Variants in SEMA4G observed in about 807,000 individuals in gnomAD.
The protein encoded by SEMA4G is semaphorin-4G.
In SEMA4G, 59 loss-of-function variants were observed where a neutral mutation model predicts 81.2. That is an observed-to-expected ratio of 0.73 (90% confidence interval 0.59 to 0.90). The LOEUF is 0.90. Ranked by LOEUF, SEMA4G falls within the 40% of genes least tolerant of loss-of-function variation. The pLI is 0.00. For missense variants in SEMA4G, 952 were observed against 1,102.3 expected, an observed-to-expected ratio of 0.86 and a Z score of 1.93; for synonymous variants, 404 against 433.9, an observed-to-expected ratio of 0.93 and a Z score of 0.86.
In SEMA4G at chr10:100,980,114, C is replaced by T; in HGVS notation, c.1129-8C>T. On this transcript the variant is annotated splice_region_variant and splice_polypyrimidine_tract_variant and intron_variant, in intron 9 of 13. Coordinates refer to ENST00000370250, the Ensembl canonical transcript of SEMA4G. ...CCCGAGGTTCACCACCTTCGTCCCC[C>T]ACGCCAGTGTATCACAGATTCATTG... 1 of 1,614,098 alleles carries T rather than the reference C, an allele frequency of 6.2e-7. No homozygotes were observed. The highest frequency in any genetic ancestry group is 2.2e-5 in the East Asian group (1 of 44,882).
At chr10:100,984,231 C>G in exon 14 of SEMA4G, 1 of 1,468,984 alleles carries the variant, frequency 6.8e-7, no homozygotes, top group Non-Finnish European at 8.9e-7. Context: ...ATTACCCCCA[C>G]TCCATACCCT....
At chr10:100,975,335 T>C (rs1470969809) in intron 3 of SEMA4G, among the ~76,000 whole-genome samples, 2 of 152,198 alleles carry the variant, frequency 1.3e-5, no homozygotes, top group Non-Finnish European at 2.9e-5. Flanking sequence ...CAGACCACAC[T>C]TTGGATAGCA....
chr10:100,969,647 CGG>C, upstream of SEMA4G: 1 of 326,996 alleles, frequency 3.1e-6, no homozygotes, highest in Non-Finnish European at 6.2e-6. Context: ...GGCTGCGGGC[CGG>C]GGGTCGGGCA....
At chr10:100,984,240 C>G (rs962032640) in exon 14 of SEMA4G, 2 of 1,455,586 alleles carry the variant, frequency 1.4e-6, no homozygotes, top group Admixed American at 5.4e-5. Flanking sequence ...ACTCCATACC[C>G]TTCTCCCAAC....
chr10:100,978,937 G>C, exon 7 of SEMA4G: 1 of 1,614,186 alleles, frequency 6.2e-7, no homozygotes, highest in Non-Finnish European at 8.5e-7. Context: ...TCTTCACGGA[G>C]CGTGCCACTG....
chr10:100,980,377 G>T (rs1470241088), intron 10 of SEMA4G, 33 bp downstream of exon 11: 6 of 1,586,602 alleles, frequency 3.8e-6, no homozygotes, highest in Non-Finnish European at 4.3e-6. Context: ...ATCCCTGTTG[G>T]CCCTGATCAC....
chr10:100,969,795 C>G (rs1295444003), upstream of SEMA4G: 1 of 444,150 alleles, frequency 2.3e-6, no homozygotes, highest in Non-Finnish European at 4.6e-6. Context: ...CCGGCCACCA[C>G]GGAGTCGGGG....
chr10:100,977,309 G>A (rs941359215), intron 3 of SEMA4G, among the ~76,000 whole-genome samples: 3 of 152,164 alleles, frequency 2.0e-5, no homozygotes, highest in Admixed American at 6.5e-5. Flanking sequence ...AGCTGGATGG[G>A]AGAGGAGAAG....
At chr10:100,978,855 A>G in exon 7 of SEMA4G, 1 of 1,613,740 alleles carries the variant, frequency 6.2e-7, no homozygotes, top group Non-Finnish European at 8.5e-7. Context: ...ACAGATGCGG[A>G]GTTTGTGTTC....
downstream of SEMA4G, chr10:100,985,074 T>G (rs1851369510): frequency 1.6e-6 from 1 of 638,576 alleles, no homozygotes; most frequent in Non-Finnish European, 2.5e-6. Context: ...TTAACTGTCC[T>G]CACAGGCCCT....
intron 13 of SEMA4G, 78 bp from the exon 15 acceptor site, chr10:100,983,227 G>A: frequency 7.0e-7 from 1 of 1,426,716 alleles, no homozygotes; most frequent in Non-Finnish European, 9.3e-7. Context: ...CAGGGACTTG[G>A]CAGTGAACAG....
rs941896553 is a variant in SEMA4G at position 100,984,738 on chromosome 10, T to C, written c.*607T>C. 6 of 1,536,034 alleles carry C rather than the reference T, an allele frequency of 3.9e-6. No individual in the cohort carries two copies. In the African/African-American group the frequency reaches 8.2e-5, roughly 21 times the overall value. On this transcript the variant is annotated 3_prime_UTR_variant, in exon 14 of 14. Transcript: ENST00000370250. Reference sequence around the variant, plus strand: ...CTCCCAATTGCCACATCCTATCTGGTCCTCTTCCCCAGCCCCATGTGGTGA... The same window carrying C: ...CTCCCAATTGCCACATCCTATCTGGCCCTCTTCCCCAGCCCCATGTGGTGA...
chr10:100,973,532 C>T lies in SEMA4G; in HGVS notation c.274-15C>T, dbSNP rs374642362. 1.1e-5 allele frequency: 18 copies of T among 1,613,622 alleles called. No homozygotes were observed. Among genetic ancestry groups the T allele is most frequent in the African/African-American group, 4.0e-5 (3 of 74,916 alleles). On this transcript the variant is annotated splice_polypyrimidine_tract_variant and intron_variant, in intron 2 of 13. Coordinates refer to ENST00000370250, the Ensembl canonical transcript of SEMA4G. The surrounding 1 kb of genome is among the most constrained non-coding windows in gnomAD (Gnocchi z 5.5). Reference sequence around the variant, plus strand: ...TGGGGTCAGTGCATCAGCCTATTCCCTTTGCCTCCACTAGATCCACTGGGA... The same window carrying T: ...TGGGGTCAGTGCATCAGCCTATTCCTTTTGCCTCCACTAGATCCACTGGGA...
exon 14 of SEMA4G, chr10:100,984,373 G>A (rs531413037): frequency 7.6e-6 from 11 of 1,447,450 alleles, no homozygotes; most frequent in Non-Finnish European, 9.9e-6. Context: ...TGCTCCCTCA[G>A]GATCAGGTGC....
chr10:100,978,363 C>T, exon 5 of SEMA4G: 3 of 1,613,492 alleles, frequency 1.9e-6, no homozygotes, highest in Middle Eastern at 1.6e-4. Flanking sequence ...ATGACCCAGC[C>T]CGTGGCTTCA....
exon 14 of SEMA4G, chr10:100,984,610 A>G (rs1468467340): frequency 1.3e-6 from 2 of 1,536,064 alleles, no homozygotes; most frequent in Admixed American, 3.9e-5. Context: ...GTACATTCAC[A>G]TGCACACATG....
At chr10:100,984,967 A>G (rs544003449), downstream of SEMA4G, 19 of 1,396,900 alleles carry the variant, frequency 1.4e-5, no homozygotes, top group Admixed American at 5.1e-4. Context: ...ATGTGCTTAC[A>G]TTTCCACTCA....
exon 5 of SEMA4G, chr10:100,978,386 T>C: frequency 3.7e-6 from 6 of 1,612,754 alleles, no homozygotes; most frequent in East Asian, 2.2e-5. Context: ...GGCCTCATCA[T>C]TGGTGAGCAG....
At position 100,972,932 on chromosome 10, in the gene SEMA4G, C is replaced by T. The variant is rs1043525758; in HGVS notation, c.20C>T (p.Pro7Leu). ...AGGAAGATGTGGGGGAGGCTCTGGCCCCTCCTCCTCAGCATCCTCACAGCA... is the reference window on the plus strand; with the variant it reads ...AGGAAGATGTGGGGGAGGCTCTGGCTCCTCCTCCTCAGCATCCTCACAGCA... Residue 7 changes from proline to leucine, a missense_variant, in exon 1 of 14, where the codon CCC (proline) becomes CTC (leucine). Pro to Leu is a moderately conservative substitution (Grantham distance 98). Transcript: ENST00000370250. 7 of 1,611,968 alleles carry T rather than the reference C, an allele frequency of 4.3e-6. No individual in the cohort carries two copies. In the African/African-American group the frequency reaches 8.0e-5, roughly 18 times the overall value.
Sources: gnomAD v4.1 joint callset for allele counts (sites outside exome capture counted in the v4.1 genomes callset) on GRCh38, gnomAD v4.1.1 for gene constraint, Gnocchi (gnomAD v3.1) non-coding constraint, MANE v1.5 for transcripts, NCBI Gene and HGNC (gene_info 2026-07-23, HGNC 2026-07-21) for gene names.